TMEM156: variants seen among roughly 807,000 people sequenced by gnomAD.
TMEM156 encodes the protein transmembrane protein 156.
Under a neutral mutation model 30.5 loss-of-function variants are expected in TMEM156, and 28 were observed. The observed-to-expected ratio is 0.92, with a 90% confidence interval of 0.68 to 1.26. TMEM156 has a LOEUF of 1.26. TMEM156 is among the 50% of genes most tolerant of loss of function. TMEM156 has a pLI of 0.00. For synonymous variants in TMEM156, 137 were observed against 119.9 expected, an observed-to-expected ratio of 1.14 and a Z score of -0.93; for missense variants, 351 against 340.6, an observed-to-expected ratio of 1.03 and a Z score of -0.24.
At chr4:39,004,174 C>A (rs903250079) in intron 1 of TMEM156, among the ~76,000 whole-genome samples, 4 of 152,150 alleles carry the variant, frequency 2.6e-5, no homozygotes, top group African/African-American at 9.7e-5. Context: ...GAGTCAACAT[C>A]TAAATGTTCA....
intron 1 of TMEM156, among the ~76,000 whole-genome samples, chr4:39,022,093 T>C (rs548595602): frequency 9.2e-5 from 14 of 152,312 alleles, no homozygotes; most frequent in Admixed American, 5.2e-4. Flanking sequence ...CCAGAGAGGA[T>C]TGGTGTTTTC....
At chr4:38,970,626 G>A (rs1227423166) in intron 6 of TMEM156, among the ~76,000 whole-genome samples, 2 of 152,126 alleles carry the variant, frequency 1.3e-5, no homozygotes, top group South Asian at 2.1e-4. Context: ...AAATCAATAT[G>A]CATTAATTTA....
intron 1 of TMEM156, among the ~76,000 whole-genome samples, chr4:39,017,281 TCTC>T (rs1259922970): frequency 7.1e-6 from 1 of 141,412 alleles, no homozygotes; most frequent in Admixed American, 7.8e-5. Context: ...TTCACACCAT[TCTC>T]CTGCCTCAGC....
chr4:39,011,804 G>A (rs948924802), intron 1 of TMEM156, among the ~76,000 whole-genome samples: 39 of 151,966 alleles, frequency 2.6e-4, no homozygotes, highest in Non-Finnish European at 2.4e-4. Context: ...AGAAAATATG[G>A]TACGTATACA....
At chr4:39,010,081 T>C (rs1397468917) in intron 1 of TMEM156, among the ~76,000 whole-genome samples, 1 of 152,106 alleles carries the variant, frequency 6.6e-6, no homozygotes, top group Non-Finnish European at 1.5e-5. Flanking sequence ...ATCAGTAGCA[T>C]TTCTATACAC....
intron 5 of TMEM156, among the ~76,000 whole-genome samples, chr4:38,972,242 A>ATTTTTTTT (rs144479056): frequency 6.6e-5 from 5 of 75,814 alleles, no homozygotes; most frequent in East Asian, 8.7e-4. Flanking sequence ...TTCTCTGGGA[A>ATTTTTTTT]TTTTTTTTTT....
intron 5 of TMEM156, among the ~76,000 whole-genome samples, chr4:38,978,009 C>T (rs1221661537): frequency 6.6e-6 from 1 of 152,090 alleles, no homozygotes; most frequent in Non-Finnish European, 1.5e-5. Context: ...CTCATCTTTC[C>T]CAAGTAACTT....
At chr4:38,976,289 C>CAAAAA (rs34271253) in intron 5 of TMEM156, among the ~76,000 whole-genome samples, 1 of 74,316 alleles carries the variant, frequency 1.3e-5, no homozygotes, top group African/African-American at 5.8e-5. Context: ...GACTCCGTCT[C>CAAAAA]AAAAAAAAAA....
At chr4:39,024,300 G>T (rs1040707081) in intron 1 of TMEM156, among the ~76,000 whole-genome samples, 2 of 152,074 alleles carry the variant, frequency 1.3e-5, no homozygotes, top group Non-Finnish European at 2.9e-5. Flanking sequence ...CTCCCAAAGT[G>T]CTGGGATTAC....
At chr4:39,014,965 AGAG>A (rs1311774725) in intron 1 of TMEM156, among the ~76,000 whole-genome samples, 2 of 152,224 alleles carry the variant, frequency 1.3e-5, no homozygotes, top group Admixed American at 1.3e-4. Context: ...CATCTGAAAC[AGAG>A]AAGATTAAAA....
chr4:39,031,580 A>G (rs1715504149), intron 1 of TMEM156, among the ~76,000 whole-genome samples: 1 of 152,188 alleles, frequency 6.6e-6, no homozygotes, highest in Admixed American at 6.6e-5. Flanking sequence ...CCAAAATGTA[A>G]AAAGCATACT....
chr4:39,010,186 A>C (rs1714014036), intron 1 of TMEM156, among the ~76,000 whole-genome samples: 1 of 152,174 alleles, frequency 6.6e-6, no homozygotes, highest in Non-Finnish European at 1.5e-5. Flanking sequence ...AATACATCTA[A>C]CCAAGGAGAT....
chr4:38,985,028 A>T (rs975979761), intron 5 of TMEM156, among the ~76,000 whole-genome samples: 1 of 152,198 alleles, frequency 6.6e-6, no homozygotes, highest in African/African-American at 2.4e-5. Flanking sequence ...CTCAGACAAG[A>T]CAGCAGTGCT....
intron 5 of TMEM156, among the ~76,000 whole-genome samples, chr4:38,976,025 G>T (rs571131427): frequency 2.0e-5 from 3 of 151,808 alleles, no homozygotes; most frequent in African/African-American, 7.3e-5. Flanking sequence ...AGTGGCTCAC[G>T]ACTGTAATCC....
chr4:38,971,073 T>A lies in TMEM156; in HGVS notation c.888A>T (p.Leu296=). 1 of 1,613,926 alleles carries A rather than the reference T, an allele frequency of 6.2e-7. No individual in the cohort carries two copies. Residue 296 remains leucine (L), a synonymous_variant, in exon 6 of 7, where the codon CTA becomes CTT. Coordinates refer to ENST00000381938, the MANE Select transcript of TMEM156 (RefSeq NM_024943.3). ...ACTGATGCACTGTGGAAGTAACTTA[T>A]AGTTCTGGAATTGGGGGAAGCACTT... ...VQEVLPPIPE[L] is the part of the protein sequence containing the mutation.
At chr4:39,031,123 T>C (rs777182067) in intron 1 of TMEM156, among the ~76,000 whole-genome samples, 1 of 152,232 alleles carries the variant, frequency 6.6e-6, no homozygotes, top group African/African-American at 2.4e-5. Flanking sequence ...TAATCAAATA[T>C]GAGTTTTTCT....
intron 1 of TMEM156, among the ~76,000 whole-genome samples, chr4:39,000,746 G>T (rs1366198698): frequency 2.6e-5 from 4 of 151,910 alleles, no homozygotes; most frequent in Non-Finnish European, 5.9e-5. Flanking sequence ...ACTTAGCCAG[G>T]CATGGTGGTG....
intron 1 of TMEM156, among the ~76,000 whole-genome samples, chr4:39,008,171 A>T (rs1392518470): frequency 6.6e-6 from 1 of 152,158 alleles, no homozygotes; most frequent in Admixed American, 6.5e-5. Flanking sequence ...TTGAATAGAA[A>T]TTATGAGAGT....
chr4:38,972,841 C>T (rs923072903), intron 5 of TMEM156, among the ~76,000 whole-genome samples: 1 of 152,058 alleles, frequency 6.6e-6, no homozygotes, highest in Non-Finnish European at 1.5e-5. Context: ...GTTGCTTACT[C>T]GATAAACTGC....
Sources: gnomAD v4.1 joint callset for allele counts (sites outside exome capture counted in the v4.1 genomes callset) on GRCh38, gnomAD v4.1.1 for gene constraint, MANE v1.5 for transcripts, NCBI Gene and HGNC (gene_info 2026-07-23, HGNC 2026-07-21) for gene names.